The following RNF150 variants were observed in gnomAD, a reference collection of about 807,000 sequenced individuals.
RNF150 encodes ring finger protein 150.
Under a neutral mutation model 39.3 loss-of-function variants are expected in RNF150, and 24 were observed. That is an observed-to-expected ratio of 0.61 (90% CI 0.44 to 0.86). The LOEUF is 0.86. RNF150 is among the 40% of genes least tolerant of loss of function. The pLI is 0.00. For missense variants in RNF150, 502 were observed against 587.8 expected (o/e 0.85, Z 1.51); for synonymous variants, 255 against 227.3 (o/e 1.12, Z -1.10).
intron 1 of RNF150, among the ~76,000 whole-genome samples, chr4:140,993,976 A>C (rs1467719496): frequency 6.6e-6 from 1 of 152,144 alleles, no homozygotes; most frequent in Admixed American, 6.5e-5. Flanking sequence ...GGTGTTGTTG[A>C]CATAACAGTG....
At chr4:140,961,501 T>C (rs1733023706) in intron 2 of RNF150, among the ~76,000 whole-genome samples, 1 of 152,208 alleles carries the variant, frequency 6.6e-6, no homozygotes, top group South Asian at 2.1e-4. Flanking sequence ...AAAGTCACTC[T>C]TTCTGAAGGA....
intron 1 of RNF150, among the ~76,000 whole-genome samples, chr4:141,011,266 C>T (rs541094198): frequency 1.3e-3 from 201 of 152,056 alleles, no homozygotes; most frequent in African/African-American, 4.8e-3. Context: ...AAAAAAAAAC[C>T]TGTGGATTTT....
intron 1 of RNF150, among the ~76,000 whole-genome samples, chr4:141,194,876 G>A (rs538583058): frequency 3.9e-5 from 6 of 152,156 alleles, no homozygotes; most frequent in South Asian, 4.2e-4. Context: ...TTGCCTGCTC[G>A]GAAAAATGGG....
intron 6 of RNF150, among the ~76,000 whole-genome samples, chr4:140,907,483 TG>T (rs1426255372): frequency 6.6e-6 from 1 of 152,216 alleles, no homozygotes; most frequent in Non-Finnish European, 1.5e-5. Flanking sequence ...GAAGGCAATC[TG>T]TTCTACATCT....
At chr4:141,166,398 G>A (rs779773817) in intron 1 of RNF150, among the ~76,000 whole-genome samples, 16 of 152,038 alleles carry the variant, frequency 1.1e-4, no homozygotes, top group Non-Finnish European at 2.1e-4. Context: ...TCATTCTTTT[G>A]GAAACTATTC....
intron 1 of RNF150, among the ~76,000 whole-genome samples, chr4:141,114,547 GA>G (rs973562816): frequency 2.0e-5 from 3 of 152,160 alleles, no homozygotes; most frequent in Non-Finnish European, 4.4e-5. Flanking sequence ...GGACCAGACG[GA>G]TTCACAGCCA....
At chr4:140,998,725 C>T (rs1442035442) in intron 1 of RNF150, among the ~76,000 whole-genome samples, 2 of 152,184 alleles carry the variant, frequency 1.3e-5, no homozygotes, top group Non-Finnish European at 2.9e-5. Flanking sequence ...AGTCCAGGGT[C>T]CTAGTTCCTG....
At chr4:140,928,792 C>A (rs570520882) in intron 4 of RNF150, among the ~76,000 whole-genome samples, 1 of 152,068 alleles carries the variant, frequency 6.6e-6, no homozygotes, top group South Asian at 2.1e-4. Context: ...GTGATCCACC[C>A]GCCTCAGCCT....
At chr4:141,144,800 T>C (rs1014574199) in intron 1 of RNF150, among the ~76,000 whole-genome samples, 1 of 152,160 alleles carries the variant, frequency 6.6e-6, no homozygotes, top group Non-Finnish European at 1.5e-5. Context: ...TTTAGTTATA[T>C]TTCCTAAGTC....
chr4:141,138,119 G>A (rs1727054955), upstream of RNF150, among the ~76,000 whole-genome samples: 1 of 152,148 alleles, frequency 6.6e-6, no homozygotes, highest in African/African-American at 2.4e-5. Flanking sequence ...CCATTAATGT[G>A]CACAGCATGT....
At chr4:141,203,128 A>G (rs1254293102) in intron 1 of RNF150, among the ~76,000 whole-genome samples, 1 of 140,220 alleles carries the variant, frequency 7.1e-6, no homozygotes, top group Non-Finnish European at 1.5e-5. Flanking sequence ...TATCTTGGAG[A>G]TATATAATCT....
intron 6 of RNF150, among the ~76,000 whole-genome samples, chr4:140,895,534 G>A (rs1322261231): frequency 6.6e-6 from 1 of 152,116 alleles, no homozygotes; most frequent in Non-Finnish European, 1.5e-5. Context: ...AAGAAAAATA[G>A]AGTTCCTACC....
intron 1 of RNF150, among the ~76,000 whole-genome samples, chr4:141,024,910 G>C (rs1050386792): frequency 1.3e-5 from 2 of 152,102 alleles, no homozygotes; most frequent in Non-Finnish European, 2.9e-5. Flanking sequence ...TTTACTCTAG[G>C]TCTGAATCAA....
Position 141,000,494 on chromosome 4 carries a change from AAT to A in RNF150, c.485-32623_485-32622del, listed in dbSNP as rs147968522. ...ACAAAGATATACTAGTTTACCAACA[AAT>A]ATATTCAGTTTTGAGCAACACCCAA... is the stretch of plus-strand genomic sequence containing the variant. On this transcript the variant is annotated intron_variant, in intron 1 of 6. Transcript: ENST00000515673. 2.3e-3 allele frequency among the ~76,000 whole-genome samples: 344 copies of A among 152,340 alleles called. 5 individuals carry two copies. The East Asian group carries it at 0.054, about 24-fold the overall frequency.
At chr4:141,030,094 C>T (rs1234260108) in intron 1 of RNF150, among the ~76,000 whole-genome samples, 2 of 151,208 alleles carry the variant, frequency 1.3e-5, no homozygotes, top group African/African-American at 2.4e-5. Flanking sequence ...ACTTGGGAGG[C>T]GAGGCAGGAG....
chr4:140,957,061 T>C (rs1732786645), intron 2 of RNF150, among the ~76,000 whole-genome samples: 1 of 148,972 alleles, frequency 6.7e-6, no homozygotes, highest in Non-Finnish European at 1.5e-5. Context: ...AAATGGGATC[T>C]AATTAAACTA....
chr4:141,138,396 T>C (rs996476195), upstream of RNF150, among the ~76,000 whole-genome samples: 1 of 152,162 alleles, frequency 6.6e-6, no homozygotes, highest in South Asian at 2.1e-4. Flanking sequence ...TAGATAACTG[T>C]CCCCATCCCT....
chr4:141,080,958 G>A (rs367646798), intron 1 of RNF150, among the ~76,000 whole-genome samples: 2 of 152,298 alleles, frequency 1.3e-5, no homozygotes, highest in East Asian at 3.9e-4. Flanking sequence ...TGCAGGTACG[G>A]CTCTGGGTGG....
chr4:141,064,187 T>C (rs1239403030), intron 1 of RNF150, among the ~76,000 whole-genome samples: 1 of 152,196 alleles, frequency 6.6e-6, no homozygotes, highest in Non-Finnish European at 1.5e-5. Context: ...CCTTATGAAT[T>C]AAGTGCTACT....
Sources: allele counts gnomAD v4.1 joint callset (sites outside exome capture counted in the v4.1 genomes callset), GRCh38; gene constraint gnomAD v4.1.1; transcripts MANE v1.5; gene names NCBI Gene and HGNC (gene_info 2026-07-23, HGNC 2026-07-21).